NFIB: variants seen among roughly 807,000 people sequenced by gnomAD.
NFIB encodes nuclear factor I B, also known as nuclear factor 1 B-type.
In NFIB, 11 loss-of-function variants were observed where a neutral mutation model predicts 61.5. The observed-to-expected ratio is 0.18, with a 90% CI of 0.11 to 0.30. The LOEUF (loss-of-function observed/expected upper bound fraction) is 0.30, where lower values mean the gene tolerates loss of function less well. NFIB is among the 10% of genes least tolerant of loss of function. The probability of loss-of-function intolerance (pLI) is 1.00; values close to 1 mark genes in which losing one functional copy is unlikely to be tolerated. For synonymous variants in NFIB, 260 were observed against 216.5 expected (o/e 1.20, Z -1.76); for missense variants, 471 against 608.9 (o/e 0.77, Z 2.38).
the NFIB span, among the ~76,000 whole-genome samples, chr9:14,469,150 G>C: frequency 6.6e-6 from 1 of 152,150 alleles, no homozygotes; most frequent in African/African-American, 2.4e-5. Context: ...CTTTTCCAGA[G>C]CAGCCAGGTA....
chr9:14,209,963 T>G (rs1307381574), intron 2 of NFIB, among the ~76,000 whole-genome samples: 1 of 152,222 alleles, frequency 6.6e-6, no homozygotes, highest in African/African-American at 2.4e-5. Flanking sequence ...ACAAAAATGC[T>G]TTTTATTTAA....
intron 2 of NFIB, among the ~76,000 whole-genome samples, chr9:14,258,800 T>A (rs2056471376): frequency 1.3e-5 from 2 of 152,158 alleles, no homozygotes; most frequent in South Asian, 4.1e-4. Context: ...ATAGAAACAT[T>A]ATAAAAACAA....
intron 9 of NFIB, among the ~76,000 whole-genome samples, chr9:14,115,077 T>C (rs1330904372): frequency 6.6e-6 from 1 of 152,170 alleles, no homozygotes; most frequent in Non-Finnish European, 1.5e-5. Flanking sequence ...ACTTATTAAT[T>C]GACGGGGCTC....
At chr9:14,398,464 C>A in intron 1 of NFIB, 1 of 1,241,322 alleles carries the variant, frequency 8.1e-7, no homozygotes, top group South Asian at 1.4e-5. Flanking sequence ...GACACATTGT[C>A]TAAGAAGTTG....
At chr9:14,204,672 T>C in intron 2 of NFIB, 1 of 639,000 alleles carries the variant, frequency 1.6e-6, no homozygotes, top group Admixed American at 2.5e-5. Flanking sequence ...GTTAACACCA[T>C]CACCACCTTG....
chr9:14,343,590 T>C (rs981108479), intron 1 of NFIB, among the ~76,000 whole-genome samples: 1 of 152,174 alleles, frequency 6.6e-6, no homozygotes, highest in African/African-American at 2.4e-5. Flanking sequence ...CTTTCCTCCC[T>C]TCCCACTTTA....
chr9:14,403,661 A>G (rs2061763902), upstream of NFIB, among the ~76,000 whole-genome samples: 1 of 152,182 alleles, frequency 6.6e-6, no homozygotes, highest in African/African-American at 2.4e-5. Flanking sequence ...TTATGAAAAT[A>G]ATACAGGATG....
the NFIB span, among the ~76,000 whole-genome samples, chr9:14,451,716 C>T: frequency 2.6e-5 from 4 of 152,146 alleles, no homozygotes; most frequent in Non-Finnish European, 5.9e-5. Context: ...GCTTTAGTCT[C>T]CCATTTAACA....
At chr9:14,469,129 G>C in the NFIB span, among the ~76,000 whole-genome samples, 2 of 152,086 alleles carry the variant, frequency 1.3e-5, no homozygotes, top group African/African-American at 4.8e-5. Context: ...ACTATTTTTT[G>C]ATGCCCACTT....
At chr9:14,387,145 C>G (rs1379548358) in intron 1 of NFIB, among the ~76,000 whole-genome samples, 1 of 152,180 alleles carries the variant, frequency 6.6e-6, no homozygotes, top group Non-Finnish European at 1.5e-5. Context: ...CACTGTGTGT[C>G]AGTTTAATCA....
chr9:14,177,086 A>G (rs1000389175), intron 3 of NFIB, among the ~76,000 whole-genome samples: 4 of 152,182 alleles, frequency 2.6e-5, no homozygotes, highest in African/African-American at 9.7e-5. Context: ...TATTTGGTAT[A>G]ACAATTCAAG....
At chr9:14,162,794 T>C (rs528257937) in intron 3 of NFIB, among the ~76,000 whole-genome samples, 5 of 152,258 alleles carry the variant, frequency 3.3e-5, no homozygotes, top group African/African-American at 7.2e-5. Context: ...AATTTTATTA[T>C]ATATTTTCCA....
intron 1 of NFIB, among the ~76,000 whole-genome samples, chr9:14,396,994 A>G (rs1216762416): frequency 6.6e-6 from 1 of 152,196 alleles, no homozygotes; most frequent in Non-Finnish European, 1.5e-5. Flanking sequence ...GGATTCTAAA[A>G]ACTAAGTAGG....
intron 3 of NFIB, among the ~76,000 whole-genome samples, chr9:14,171,893 T>C (rs1180156066): frequency 6.6e-6 from 1 of 152,056 alleles, no homozygotes; most frequent in Admixed American, 6.5e-5. Context: ...ACTTTAAAAA[T>C]CGCAAGGTAC....
At chr9:14,354,833 C>T (rs995868701) in intron 1 of NFIB, among the ~76,000 whole-genome samples, 2 of 147,554 alleles carry the variant, frequency 1.4e-5, no homozygotes, top group Middle Eastern at 3.5e-3. Context: ...TGGATTGTCC[C>T]GTGAAGGATC....
chr9:14,231,133 AAAATATATATATATATATATATAT>A (rs2053121663), intron 2 of NFIB, among the ~76,000 whole-genome samples: 1 of 67,212 alleles, frequency 1.5e-5, no homozygotes, highest in Non-Finnish European at 2.8e-5. Flanking sequence ...AAAAAAAAAA[AAAATATATATATATATATATATAT>A]ATATATATAT....
At chr9:14,128,795 C>A (rs2130918935) in intron 6 of NFIB, among the ~76,000 whole-genome samples, 1 of 151,894 alleles carries the variant, frequency 6.6e-6, no homozygotes, top group South Asian at 2.1e-4. Flanking sequence ...ATTAAGGCAA[C>A]TGCAACTACT....
rs780831562 is a variant in NFIB at position 14,086,874 on chromosome 9, G to A, written c.*1435C>T. On this transcript the variant is annotated 3_prime_UTR_variant, in exon 11 of 11. Coordinates refer to ENST00000380953, the MANE Select transcript of NFIB (RefSeq NM_001190737.2). ...GTGCAAATTAGGATTACTGGAAAGAGTATTTTTAATTAAAATTTTAAGAGA... is the reference window on the plus strand; with the variant it reads ...GTGCAAATTAGGATTACTGGAAAGAATATTTTTAATTAAAATTTTAAGAGA... 6.0e-5 allele frequency: 12 copies of A among 201,108 alleles called. No homozygotes were observed. In the East Asian group the frequency reaches 6.9e-4, roughly 12 times the overall value. The allele number at this position is 201,108 out of a possible 1,614,324, so 12.5% of individuals were successfully genotyped here. A position where few individuals can be genotyped will look rare whatever the true frequency, so the allele number is the denominator to read the frequency against.
At chr9:14,476,436 G>A in the NFIB span, among the ~76,000 whole-genome samples, 2 of 152,280 alleles carry the variant, frequency 1.3e-5, no homozygotes, top group Non-Finnish European at 2.9e-5. Context: ...AGCCAGATCA[G>A]TGTTCATGCT....
Sources: gnomAD v4.1 joint callset for allele counts (sites outside exome capture counted in the v4.1 genomes callset) on GRCh38, gnomAD v4.1.1 for gene constraint, MANE v1.5 for transcripts, NCBI Gene and HGNC (gene_info 2026-07-23, HGNC 2026-07-21) for gene names.